The following RIMBP2 variants were observed in gnomAD, a reference collection of about 807,000 sequenced individuals.
The protein encoded by RIMBP2 is RIMS binding protein 2, also known as RIMS-binding protein 2.
A neutral mutation model predicts 118.6 loss-of-function variants in RIMBP2; 48 were observed. The ratio of observed to expected loss-of-function variants is 0.40; its 90% CI spans 0.32 to 0.51. The LOEUF is 0.51. Ranked by LOEUF, RIMBP2 falls within the 20% of genes least tolerant of loss-of-function variation. RIMBP2 has a pLI of 0.41. For synonymous variants in RIMBP2, 762 were observed against 742.9 expected (o/e 1.03, Z -0.42); for missense variants, 1,551 against 1,768.3 (o/e 0.88, Z 2.20).
At chr12:130,595,685 G>A (rs1055565232) in intron 2 of RIMBP2, among the ~76,000 whole-genome samples, 5 of 152,108 alleles carry the variant, frequency 3.3e-5, no homozygotes, top group Admixed American at 6.5e-5. Flanking sequence ...AGAACAATGC[G>A]CGTGCACTCA....
chr12:130,691,942 A>G, intron 1 of RIMBP2, among the ~76,000 whole-genome samples: 1 of 152,164 alleles, frequency 6.6e-6, no homozygotes, highest in Non-Finnish European at 1.5e-5. Flanking sequence ...TTCTAGAACG[A>G]GGAGAAGCGG....
In RIMBP2 at chr12:130,525,542, T is replaced by C. The variant is rs571528970; in HGVS notation, c.-216-7625A>G. Among the ~76,000 whole-genome samples the C allele has an allele frequency of 6.6e-6, 1 of 152,122 alleles. No individual in the cohort carries two copies. The highest frequency in any genetic ancestry group is 1.9e-4 in the East Asian group (1 of 5,146). On this transcript the variant is annotated intron_variant, in intron 2 of 22. Transcript: ENST00000690449. This position sits in a 1 kb window ranked among gnomAD's most constrained non-coding sequence, Gnocchi z 4.4. ...TCCTTCCTCCCACAGGCGAGTGGAA[T>C]GTGGGTAGCTGCCGGGAACAGCAGC...
intron 1 of RIMBP2, among the ~76,000 whole-genome samples, chr12:130,693,225 C>T (rs1163452747): frequency 6.6e-6 from 1 of 152,044 alleles, no homozygotes; most frequent in Non-Finnish European, 1.5e-5. Flanking sequence ...ATGCCATGGT[C>T]ATGTAATGAT....
intron 1 of RIMBP2, among the ~76,000 whole-genome samples, chr12:130,702,480 C>G (rs1304934901): frequency 6.6e-6 from 1 of 150,476 alleles, no homozygotes; most frequent in Non-Finnish European, 1.5e-5. Context: ...CATGCCACTG[C>G]ACTCCAGCCT....
chr12:130,713,195 A>AAGGAAGGAAGGAAGGAAGAT (rs1593061018), intron 1 of RIMBP2, among the ~76,000 whole-genome samples: 1 of 147,908 alleles, frequency 6.8e-6, no homozygotes, highest in African/African-American at 2.5e-5. Flanking sequence ...GGAAAGAAGG[A>AAGGAAGGAAGGAAGGAAGAT]AGGAAGGAAG....
intron 2 of RIMBP2, among the ~76,000 whole-genome samples, chr12:130,535,494 A>G (rs1171921578): frequency 6.6e-6 from 1 of 152,044 alleles, no homozygotes; most frequent in Non-Finnish European, 1.5e-5. Context: ...AGCCTGGGCA[A>G]GCAACAGAAT....
At chr12:130,478,083 G>A (rs1481453309) in intron 5 of RIMBP2, among the ~76,000 whole-genome samples, 1 of 152,238 alleles carries the variant, frequency 6.6e-6, no homozygotes, top group Non-Finnish European at 1.5e-5. Context: ...CAGCAGGACC[G>A]TGGCTGAGGA....
intron 1 of RIMBP2, among the ~76,000 whole-genome samples, chr12:130,698,190 G>A (rs2065665916): frequency 6.6e-6 from 1 of 152,206 alleles, no homozygotes; most frequent in Admixed American, 6.5e-5. Context: ...TTTCAAGGGA[G>A]AAGGCGTGGG....
intron 10 of RIMBP2, among the ~76,000 whole-genome samples, chr12:130,444,165 G>C (rs1422654012): frequency 6.6e-6 from 1 of 152,228 alleles, no homozygotes; most frequent in Non-Finnish European, 1.5e-5. Context: ...AAAATCAGTG[G>C]TGATAATGTG....
intron 1 of RIMBP2, among the ~76,000 whole-genome samples, chr12:130,646,130 TCCACCTCCCTCACCACCTGCCTCTC>T (rs2062902194): frequency 4.1e-5 from 1 of 24,408 alleles, no homozygotes; most frequent in Non-Finnish European, 7.9e-5. Context: ...CACCTGCCTC[TCCACCTCCCTCACCACCTGCCTCTC>T]CACCTCCCTC....
chr12:130,558,821 G>C (rs1428247835), intron 2 of RIMBP2, among the ~76,000 whole-genome samples: 1 of 127,800 alleles, frequency 7.8e-6, no homozygotes, highest in Admixed American at 8.6e-5. Context: ...CGCTTCCAAG[G>C]GGACACTTTT....
rs182273222 is a variant in RIMBP2, at chr12:130,598,420, T to G, written c.-217+29902A>C. 1.7e-3 allele frequency among the ~76,000 whole-genome samples: 261 copies of G among 152,166 alleles called. 1 individual carries two copies. The highest frequency in any genetic ancestry group is 5.9e-3 in the African/African-American group (245 of 41,534). ...ACATTAAAATGCAAGGGATGTAAAATAGACCCTGCCAAAAAAACAAAATTG... is the reference window on the plus strand; with the variant it reads ...ACATTAAAATGCAAGGGATGTAAAAGAGACCCTGCCAAAAAAACAAAATTG... On this transcript the variant is annotated intron_variant, in intron 2 of 22. Coordinates refer to ENST00000690449, the MANE Select transcript of RIMBP2 (RefSeq NM_001393629.1).
At chr12:130,407,853 G>A (rs2075321229) in intron 19 of RIMBP2, 24 bp from the exon 20 acceptor site, 1 of 1,592,268 alleles carries the variant, frequency 6.3e-7, no homozygotes. Flanking sequence ...AAGGGGGAAA[G>A]AAATCCATCA....
intron 1 of RIMBP2, among the ~76,000 whole-genome samples, chr12:130,685,809 C>A (rs2065013313): frequency 6.6e-6 from 1 of 152,206 alleles, no homozygotes; most frequent in South Asian, 2.1e-4. Context: ...GACACAGCCC[C>A]TCCAAAATCT....
chr12:130,607,489 G>A (rs924041664), intron 2 of RIMBP2, among the ~76,000 whole-genome samples: 3 of 151,980 alleles, frequency 2.0e-5, no homozygotes, highest in East Asian at 3.9e-4. Context: ...TTTCTGCCAC[G>A]TCTCCACACC....
intron 4 of RIMBP2, among the ~76,000 whole-genome samples, chr12:130,492,284 C>T (rs961247210): frequency 6.6e-5 from 10 of 152,170 alleles, no homozygotes; most frequent in African/African-American, 1.7e-4. Flanking sequence ...CATGGCATCA[C>T]GACTGTCTGT....
rs1442177122 is a variant in RIMBP2, at chr12:130,581,739, T to C, written c.-217+46583A>G. Among the ~76,000 whole-genome samples, 1 of 152,226 alleles carries C rather than the reference T, an allele frequency of 6.6e-6. No individual in the cohort carries two copies. Among genetic ancestry groups the C allele is most frequent in the Non-Finnish European group, 1.5e-5 (1 of 68,046 alleles). ...GTCATCACCATTCCTCGCCGGGTTA[T>C]GAGAATGGCCTCTCAATGGGTTTCT... is the stretch of plus-strand genomic sequence containing the variant. On this transcript the variant is annotated intron_variant, in intron 2 of 22. Transcript: ENST00000690449. The surrounding 1 kb of genome is among the most constrained non-coding windows in gnomAD (Gnocchi z 4.4).
At chr12:130,641,828 G>A (rs1363009633) in intron 1 of RIMBP2, among the ~76,000 whole-genome samples, 2 of 152,092 alleles carry the variant, frequency 1.3e-5, no homozygotes, top group African/African-American at 4.8e-5. Context: ...GCCGAGCGTG[G>A]CTGCACCGGG....
chr12:130,456,216 A>T (rs955142642), intron 7 of RIMBP2, among the ~76,000 whole-genome samples: 6 of 152,080 alleles, frequency 3.9e-5, no homozygotes, highest in African/African-American at 1.4e-4. Flanking sequence ...CATCTGTGTG[A>T]CCCACACTAG....
Sources: allele counts gnomAD v4.1 joint callset (sites outside exome capture counted in the v4.1 genomes callset), GRCh38; gene constraint gnomAD v4.1.1; non-coding constraint Gnocchi (gnomAD v3.1); transcripts MANE v1.5; gene names NCBI Gene and HGNC (gene_info 2026-07-23, HGNC 2026-07-21).